NUP58: variants seen among roughly 807,000 people sequenced by gnomAD.
NUP58 encodes nucleoporin p58/p45.
In NUP58, 17 loss-of-function variants were observed where a neutral mutation model predicts 70.1. The ratio of observed to expected loss-of-function variants is 0.24; its 90% CI spans 0.17 to 0.36. The LOEUF is 0.36. Ranked by LOEUF, NUP58 falls within the 10% of genes least tolerant of loss-of-function variation. The probability of loss-of-function intolerance (pLI) is 1.00; values close to 1 mark genes in which losing one functional copy is unlikely to be tolerated. For synonymous variants in NUP58, 275 were observed against 257.6 expected (o/e 1.07, Z -0.65); for missense variants, 644 against 701.5 (o/e 0.92, Z 0.93).
At chr13:25,302,573 G>T (rs2030079291) in intron 1 of NUP58, among the ~76,000 whole-genome samples, 1 of 152,060 alleles carries the variant, frequency 6.6e-6, no homozygotes, top group South Asian at 2.1e-4. Flanking sequence ...TTCAGGTGGC[G>T]ACAAAAACAT....
intron 12 of NUP58, among the ~76,000 whole-genome samples, chr13:25,331,082 A>G (rs1422130982): frequency 3.3e-5 from 5 of 152,198 alleles, no homozygotes; most frequent in Non-Finnish European, 7.3e-5. Context: ...TACTCTGTCT[A>G]AAAGCTTAGC....
intron 3 of NUP58, among the ~76,000 whole-genome samples, chr13:25,312,073 G>T (rs184488700): frequency 6.6e-6 from 1 of 152,288 alleles, no homozygotes; most frequent in African/African-American, 2.4e-5. Flanking sequence ...GAAAGTGGGT[G>T]TGTCATTGGG....
rs374960157 is a variant in NUP58 at position 25,340,049 on chromosome 13, A to G, written c.1715A>G (p.Asn572Ser). The G allele has an allele frequency of 1.4e-5, 22 of 1,613,884 alleles. No individual in the cohort carries two copies. The highest frequency in any genetic ancestry group is 1.2e-4 in the African/African-American group (9 of 74,910). ...ASAGLTFGVS[N>S]PASAGFGTGG... Reference sequence around the variant, plus strand: ...GCTGGTTTGACTTTTGGGGTGTCCAATCCTGCCTCTGCAGGTTTTGGAACA... The same window carrying G: ...GCTGGTTTGACTTTTGGGGTGTCCAGTCCTGCCTCTGCAGGTTTTGGAACA... Residue 572 changes from asparagine to serine, a missense_variant, in exon 16 of 16, where the codon AAT becomes AGT. By Grantham distance (46) the Asn-to-Ser change is conservative. Around this residue, in one of 4 missense-constraint regions of NUP58, gnomAD observed 132 missense variants for 203.9 expected, o/e 0.65. Transcript: ENST00000381736.
At chr13:25,337,345 TAA>T (rs1396356271) in intron 14 of NUP58, among the ~76,000 whole-genome samples, 1 of 152,166 alleles carries the variant, frequency 6.6e-6, no homozygotes, top group Non-Finnish European at 1.5e-5. Context: ...TTAAAAATCT[TAA>T]AATTAATAGT....
chr13:25,331,867 G>T (rs1156637547), intron 13 of NUP58: 4 of 1,162,942 alleles, frequency 3.4e-6, no homozygotes, highest in Non-Finnish European at 4.3e-6. Context: ...AATAACATTA[G>T]ATTCTGAAAT....
At chr13:25,337,748 A>G (rs1253909521) in intron 14 of NUP58, among the ~76,000 whole-genome samples, 1 of 152,180 alleles carries the variant, frequency 6.6e-6, no homozygotes, top group Admixed American at 6.5e-5. Flanking sequence ...GTTGTTTAAT[A>G]TAGACTCTGT....
chr13:25,307,365 A>C (rs568490126), intron 1 of NUP58, among the ~76,000 whole-genome samples: 21 of 152,002 alleles, frequency 1.4e-4, no homozygotes, highest in Admixed American at 9.2e-4. Flanking sequence ...GGCGTGTGCC[A>C]CCACCACACC....
rs1224344001 is a variant in NUP58, at chr13:25,340,171, C to T, written c.*37C>T. On this transcript the variant is annotated 3_prime_UTR_variant, in exon 16 of 16. Coordinates refer to ENST00000381736, the MANE Select transcript of NUP58 (RefSeq NM_014089.4). ...TGTGTTGAGAGAATCCATAGCAGCA[C>T]CGTTCATTCTATGAGTCTATTTTTC... The T allele has an allele frequency of 6.5e-7, 1 of 1,531,126 alleles. No homozygotes were observed. 94.8% of individuals were successfully genotyped at this position (1,531,126 alleles called of 1,614,324 possible).
At chr13:25,323,748 G>T (rs1311101589) in intron 9 of NUP58, among the ~76,000 whole-genome samples, 3 of 152,148 alleles carry the variant, frequency 2.0e-5, no homozygotes, top group Non-Finnish European at 4.4e-5. Flanking sequence ...TTCTTTTGGG[G>T]TAAGTGGGGG....
intron 1 of NUP58, among the ~76,000 whole-genome samples, chr13:25,304,478 T>TTATATATATATA (rs67019897): frequency 2.2e-4 from 18 of 83,420 alleles, no homozygotes; most frequent in South Asian, 4.3e-4. Flanking sequence ...GTTGTCAAGA[T>TTATATATATATA]TATATATATA....
chr13:25,317,674 T>C (rs1035275091), intron 6 of NUP58: 2 of 152,106 alleles, frequency 1.3e-5, no homozygotes, highest in Non-Finnish European at 2.9e-5. Context: ...TTTATTTCCA[T>C]GTCTCATAAA....
chr13:25,343,891 T>TGTTAA (rs147109739), downstream of NUP58, among the ~76,000 whole-genome samples: 1 of 20,750 alleles, frequency 4.8e-5, no homozygotes, highest in Non-Finnish European at 9.0e-5. Flanking sequence ...AACTATTCTC[T>TGTTAA]GGATGGTTAG....
chr13:25,305,755 G>A (rs533742313), intron 1 of NUP58, among the ~76,000 whole-genome samples: 1 of 152,118 alleles, frequency 6.6e-6, no homozygotes, highest in Non-Finnish European at 1.5e-5. Context: ...TACTGAAGGT[G>A]TGTACATTTC....
In NUP58 at chr13:25,342,160, T is replaced by C. The variant is rs1236889806; in HGVS notation, c.*2026T>C. 1 of 152,654 alleles carries C rather than the reference T, an allele frequency of 6.6e-6. No individual in the cohort carries two copies. The highest frequency in any genetic ancestry group is 1.5e-5 in the Non-Finnish European group (1 of 68,038). 9.5% of individuals were successfully genotyped at this position (152,654 alleles called of 1,614,324 possible). On this transcript the variant is annotated 3_prime_UTR_variant, in exon 16 of 16. Coordinates refer to ENST00000381736, the MANE Select transcript of NUP58 (RefSeq NM_014089.4). ...AGGGAAAATGTGTGATTTTGTGTTT[T>C]GAATTACTGTCAGAATTACATACAC...
At position 25,301,931 on chromosome 13, in the gene NUP58, C is replaced by G. The variant is rs750653698; in HGVS notation, c.107+51C>G. 6 of 1,199,334 alleles carry G rather than the reference C, an allele frequency of 5.0e-6. No individual in the cohort carries two copies. The East Asian group carries it at 1.5e-4, about 31-fold the overall frequency. The allele number at this position is 1,199,334 out of a possible 1,614,324, so 74.3% of individuals were successfully genotyped here. A position where few individuals can be genotyped will look rare whatever the true frequency, so the allele number is the denominator to read the frequency against. Reference sequence around the variant, plus strand: ...GGCCGGATTCACCCCCACCCCCACCCCCGCAAAGCTCCCTTGGTGTCCCCA... The same window carrying G: ...GGCCGGATTCACCCCCACCCCCACCGCCGCAAAGCTCCCTTGGTGTCCCCA... On this transcript the variant is annotated intron_variant, in intron 1 of 15. Coordinates refer to ENST00000381736, the MANE Select transcript of NUP58 (RefSeq NM_014089.4).
chr13:25,332,767 T>C, intron 13 of NUP58: 1 of 985,436 alleles, frequency 1.0e-6, no homozygotes, highest in Non-Finnish European at 1.2e-6. Flanking sequence ...GCTCTCTAGC[T>C]GGCTGGAGTG....
intron 9 of NUP58, among the ~76,000 whole-genome samples, chr13:25,322,261 G>T (rs576947875): frequency 3.9e-5 from 6 of 152,238 alleles, no homozygotes; most frequent in African/African-American, 1.4e-4. Context: ...ATTTTTAAAG[G>T]TGCTTTTGGG....
downstream of NUP58, among the ~76,000 whole-genome samples, chr13:25,345,552 GCAT>G (rs2032038764): frequency 6.8e-6 from 1 of 146,836 alleles, no homozygotes; most frequent in African/African-American, 2.5e-5. Flanking sequence ...ATGGAGAAAA[GCAT>G]CATCCCAGCA....
At chr13:25,327,162 A>C (rs2031427414) in intron 11 of NUP58, 128 bp downstream of exon 11, 1 of 603,184 alleles carries the variant, frequency 1.7e-6, no homozygotes, top group East Asian at 2.7e-5. Flanking sequence ...GTCATTTACT[A>C]CTCCTTTATT....
Sources: allele counts gnomAD v4.1 joint callset (sites outside exome capture counted in the v4.1 genomes callset), GRCh38; gene constraint gnomAD v4.1.1; regional missense constraint gnomAD v4.1.1; transcripts MANE v1.5; gene names NCBI Gene and HGNC (gene_info 2026-07-23, HGNC 2026-07-21).